IL23R: variants seen among roughly 807,000 people sequenced by gnomAD.
The protein encoded by IL23R is interleukin-23 receptor.
IL23R carries 34 observed loss-of-function variants against 56.9 expected under a neutral mutation model. The observed-to-expected ratio is 0.60, with a 90% CI of 0.45 to 0.80. IL23R has a LOEUF of 0.80. IL23R is among the 30% of genes least tolerant of loss of function. IL23R has a pLI of 0.00. For synonymous variants in IL23R, 230 were observed against 249.2 expected (o/e 0.92, Z 0.73); for missense variants, 635 against 730.0 (o/e 0.87, Z 1.50).
In IL23R at chr1:67,227,962, C is replaced by CTT. The variant is rs1244762978; in HGVS notation, c.955+8234_955+8235dup. On this transcript the variant is annotated intron_variant, in intron 7 of 10. Transcript: ENST00000347310. Reference sequence around the variant, plus strand: ...AAGATCTTTCTTTCTTTCTTTCTTTCTTTCTTTCTTTCTTTCTTTCTTTCT... The same window carrying CTT: ...AAGATCTTTCTTTCTTTCTTTCTTTCTTTTTCTTTCTTTCTTTCTTTCTTTCT... Among the ~76,000 whole-genome samples the CTT allele has an allele frequency of 8.7e-5, 5 of 57,204 alleles. 1 individual carries two copies. In the East Asian group the frequency reaches 1.6e-3, roughly 18 times the overall value. The allele number at this position is 57,204 out of a possible 152,430, so 37.5% of individuals were successfully genotyped here.
intron 4 of IL23R, among the ~76,000 whole-genome samples, chr1:67,199,851 AG>A (rs1326924581): frequency 5.9e-5 from 9 of 152,184 alleles, no homozygotes; most frequent in South Asian, 2.1e-4. Flanking sequence ...TTTCAGTAAA[AG>A]GTTGCATATT....
At position 67,169,458 on chromosome 1, in the gene IL23R, A is replaced by G. The variant is rs1469323792; in HGVS notation, c.187A>G (p.Lys63Glu). The G allele has an allele frequency of 7.4e-6, 12 of 1,613,852 alleles. No homozygotes were observed. The East Asian group carries it at 8.9e-5, about 12-fold the overall frequency. ...AGCAATTAAGAACTGCCAACCAAGG[A>G]AACTTCATTTTTATAAAAATGGCAT... ...QAAIKNCQPR[K>E]LHFYKNGIKE... Residue 63 changes from lysine (K) to glutamate (E), a missense_variant, in exon 3 of 11, where the codon AAA (lysine) becomes GAA (glutamate). By Grantham distance (56) the Lys-to-Glu change is moderately conservative (BLOSUM62 1). Transcript: ENST00000347310.
chr1:67,263,125 TTTTTTTTA>T (rs1209108079), downstream of IL23R, among the ~76,000 whole-genome samples: 1 of 122,120 alleles, frequency 8.2e-6, no homozygotes, highest in Non-Finnish European at 1.8e-5. Context: ...TTTTTTTTTT[TTTTTTTTA>T]ACAGGTCACC....
At chr1:67,241,286 A>C (rs182915648) in intron 9 of IL23R, among the ~76,000 whole-genome samples, 1 of 152,346 alleles carries the variant, frequency 6.6e-6, no homozygotes, top group South Asian at 2.1e-4. Context: ...AGGACTGAGT[A>C]GAAGGTACCT....
intron 7 of IL23R, among the ~76,000 whole-genome samples, chr1:67,228,023 TTTCTTTCTTTTCTTTCTTTC>T (rs1204033168): frequency 0.021 from 1,802 of 84,578 alleles, 220 homozygotes; most frequent in Non-Finnish European, 0.03. Context: ...TCTTTCTTCC[TTTCTTTCTTTTCTTTCTTTC>T]TCTTTCTTTC....
At chr1:67,151,675 C>A (rs973459815) in intron 1 of IL23R, among the ~76,000 whole-genome samples, 34 of 152,184 alleles carry the variant, frequency 2.2e-4, no homozygotes, top group African/African-American at 8.0e-4. Flanking sequence ...ATATGGCTAG[C>A]CAGCTTTTCC....
chr1:67,222,199 C>T (rs1239324243), intron 7 of IL23R, among the ~76,000 whole-genome samples: 1 of 140,672 alleles, frequency 7.1e-6, no homozygotes, highest in African/African-American at 2.6e-5. Context: ...TCACTGCAAC[C>T]TCCACCTCCT....
chr1:67,207,259 T>C, intron 6 of IL23R: 1 of 662,380 alleles, frequency 1.5e-6, no homozygotes, highest in Non-Finnish European at 2.7e-6. Flanking sequence ...GTTACCTGGA[T>C]ATATTGCATG....
chr1:67,191,596 C>T (rs1025235927), intron 4 of IL23R, among the ~76,000 whole-genome samples: 1 of 152,110 alleles, frequency 6.6e-6, no homozygotes, highest in African/African-American at 2.4e-5. Context: ...CACCCAATTT[C>T]TCTGTTTCTT....
chr1:67,144,704 CT>C (rs936175001), intron 1 of IL23R, among the ~76,000 whole-genome samples: 1 of 152,124 alleles, frequency 6.6e-6, no homozygotes, highest in Non-Finnish European at 1.5e-5. Flanking sequence ...TATGTGGGCT[CT>C]TTTTTTCTTC....
At chr1:67,145,121 G>C (rs1489423448) in intron 1 of IL23R, among the ~76,000 whole-genome samples, 1 of 152,182 alleles carries the variant, frequency 6.6e-6, no homozygotes, top group Non-Finnish European at 1.5e-5. Flanking sequence ...AAGGCAGGTG[G>C]ATCACCTGAG....
chr1:67,144,764 A>C (rs762839889), intron 1 of IL23R, among the ~76,000 whole-genome samples: 5 of 150,836 alleles, frequency 3.3e-5, no homozygotes, highest in Non-Finnish European at 5.9e-5. Context: ...TCAGATTTCT[A>C]TCTTCCCACA....
At chr1:67,253,063 G>A (rs1413836215) in intron 9 of IL23R, among the ~76,000 whole-genome samples, 1 of 152,140 alleles carries the variant, frequency 6.6e-6, no homozygotes, top group Non-Finnish European at 1.5e-5. Context: ...AAATATAGAG[G>A]TATGAAGTCC....
chr1:67,197,747 T>A (rs1648271747), intron 4 of IL23R, among the ~76,000 whole-genome samples: 1 of 152,138 alleles, frequency 6.6e-6, no homozygotes, highest in South Asian at 2.1e-4. Flanking sequence ...AGCTCGAGGC[T>A]GGCCTGGGCA....
intron 3 of IL23R, among the ~76,000 whole-genome samples, chr1:67,179,687 T>A (rs528881363): frequency 6.6e-6 from 1 of 152,348 alleles, no homozygotes; most frequent in Admixed American, 6.5e-5. Context: ...ATCTTGCTTC[T>A]CCAGTTCTTT....
chr1:67,252,078 CT>C (rs973428213), intron 9 of IL23R, among the ~76,000 whole-genome samples: 1 of 152,106 alleles, frequency 6.6e-6, no homozygotes, highest in African/African-American at 2.4e-5. Flanking sequence ...TGTAAGTTAT[CT>C]TTAGTAAAAT....
intron 6 of IL23R, among the ~76,000 whole-genome samples, chr1:67,208,811 A>C (rs1237575493): frequency 6.6e-6 from 1 of 152,110 alleles, no homozygotes. Context: ...CTGTGAGAAG[A>C]GGGCCACCAT....
intron 3 of IL23R, among the ~76,000 whole-genome samples, chr1:67,176,738 A>C (rs1487573302): frequency 6.6e-6 from 1 of 152,108 alleles, no homozygotes; most frequent in Non-Finnish European, 1.5e-5. Flanking sequence ...GCACCCATTA[A>C]CTGATCATTT....
At chr1:67,143,905 A>G (rs1422395543) in intron 1 of IL23R, among the ~76,000 whole-genome samples, 1 of 152,232 alleles carries the variant, frequency 6.6e-6, no homozygotes, top group Non-Finnish European at 1.5e-5. Context: ...ATGCAATTTC[A>G]TAAGTAGTTT....
Sources: gnomAD v4.1 joint callset for allele counts (sites outside exome capture counted in the v4.1 genomes callset) on GRCh38, gnomAD v4.1.1 for gene constraint, MANE v1.5 for transcripts, NCBI Gene and HGNC (gene_info 2026-07-23, HGNC 2026-07-21) for gene names.